Variants in TPTE2 observed in about 807,000 individuals in gnomAD.
The protein encoded by TPTE2 is phosphatidylinositol 3,4,5-trisphosphate 3-phosphatase TPTE2.
Under a neutral mutation model 78.6 loss-of-function variants are expected in TPTE2, and 53 were observed. That is an observed-to-expected ratio of 0.67 (90% CI 0.54 to 0.85). TPTE2 has a LOEUF of 0.85. Ranked by LOEUF, TPTE2 falls within the 40% of genes least tolerant of loss-of-function variation. The pLI is 0.00. For missense variants in TPTE2, 461 were observed against 623.0 expected (o/e 0.74, Z 2.77); for synonymous variants, 175 against 206.2 (o/e 0.85, Z 1.30).
intron 18 of TPTE2, 148 bp downstream of exon 21, chr13:19,426,277 C>T (rs6491273): frequency 0.12 from 75,049 of 618,302 alleles, 6,164 homozygotes; most frequent in African/African-American, 0.35. Flanking sequence ...AAATTACATA[C>T]GCTCTTTTAA....
At chr13:19,499,684 A>C (rs2137663932) in intron 1 of TPTE2, among the ~76,000 whole-genome samples, 1 of 135,524 alleles carries the variant, frequency 7.4e-6, no homozygotes, top group East Asian at 2.0e-4. Flanking sequence ...CTAAATGCCC[A>C]CAAGAGAAAG....
chr13:19,548,668 A>G, the TPTE2 span, among the ~76,000 whole-genome samples: 1 of 151,532 alleles, frequency 6.6e-6, no homozygotes, highest in African/African-American at 2.4e-5. Flanking sequence ...TATGCAGAAG[A>G]CTGAAATTGG....
intron 14 of TPTE2, 65 bp downstream of exon 17, chr13:19,438,027 A>G (rs1407306955): frequency 3.2e-6 from 5 of 1,576,774 alleles, no homozygotes; most frequent in Middle Eastern, 1.7e-4. Flanking sequence ...ACGTCCTACC[A>G]GCGATCTTTC....
chr13:19,486,390 G>C lies in TPTE2; in HGVS notation c.120-3843C>G, dbSNP rs1258061940. Among the ~76,000 whole-genome samples, 1 of 152,174 alleles carries C rather than the reference G, an allele frequency of 6.6e-6. No homozygotes were observed. The highest frequency in any genetic ancestry group is 2.4e-5 in the African/African-American group (1 of 41,436). On this transcript the variant is annotated intron_variant, in intron 3 of 19. Coordinates refer to ENST00000400230, the Ensembl canonical transcript of TPTE2. This position sits in a 1 kb window ranked among gnomAD's most constrained non-coding sequence, Gnocchi z 4.3. ...CACTGGGCTGTTTCTCAGGGTAGGGGTGTGTGCAGGCATACACTGGGTCAG... is the reference window on the plus strand; with the variant it reads ...CACTGGGCTGTTTCTCAGGGTAGGGCTGTGTGCAGGCATACACTGGGTCAG...
chr13:19,534,675 C>A (rs1015921434), intron 1 of TPTE2, among the ~76,000 whole-genome samples: 1 of 152,086 alleles, frequency 6.6e-6, no homozygotes, highest in Non-Finnish European at 1.5e-5. Context: ...ATTGCTTAGT[C>A]CTTGAATTAA....
rs2497213 is a variant in TPTE2 at position 19,425,773 on chromosome 13, G to T, written c.1395+652C>A. 32 of 509,030 alleles carry T rather than the reference G, an allele frequency of 6.3e-5. 1 individual carries two copies. The highest frequency in any genetic ancestry group is 2.3e-4 in the South Asian group (16 of 70,316). The allele number at this position is 509,030 out of a possible 1,614,324, so 31.5% of individuals were successfully genotyped here. ...TCGCTATTGCTCCCACCCATCAGTC[G>T]AGCACAGGTCTCCTGGATGGCTCCC... On this transcript the variant is annotated intron_variant, in intron 18 of 19. Coordinates refer to ENST00000400230, the Ensembl canonical transcript of TPTE2.
At position 19,467,224 on chromosome 13, in the gene TPTE2, C is replaced by T. The variant is rs1879321962; in HGVS notation, c.512+1G>A. On this transcript the variant is annotated splice_donor_variant, in intron 7 of 19. Transcript: ENST00000400230. LOFTEE classifies it high-confidence loss of function. ...AGAGAGGTAAGTCTTATGTTTCATA[C>T]CTGGGAATATTCCTAAGCAACTTAA... 6.3e-7 allele frequency: 1 copy of T among 1,578,144 alleles called. No individual in the cohort carries two copies.
chr13:19,442,050 ATGTC>A (rs1877534347), intron 13 of TPTE2, among the ~76,000 whole-genome samples: 2 of 152,128 alleles, frequency 1.3e-5, no homozygotes, highest in African/African-American at 4.8e-5. Flanking sequence ...CGAAAACAGA[ATGTC>A]AGTAGGAAAA....
exon 7 of TPTE2, chr13:19,467,228 G>A (rs1317521687): frequency 1.3e-6 from 2 of 1,579,906 alleles, no homozygotes; most frequent in African/African-American, 2.8e-5. Context: ...TTCATACCTG[G>A]GAATATTCCT....
At chr13:19,534,361 CGTCT>C (rs1871077094) in intron 1 of TPTE2, among the ~76,000 whole-genome samples, 1 of 152,112 alleles carries the variant, frequency 6.6e-6, no homozygotes, top group African/African-American at 2.4e-5. Context: ...AGCCCCAGAC[CGTCT>C]GTATATGAAA....
chr13:19,498,221 A>C (rs1304653809), intron 1 of TPTE2, among the ~76,000 whole-genome samples: 1 of 152,142 alleles, frequency 6.6e-6, no homozygotes, highest in African/African-American at 2.4e-5. Context: ...TGGAAAAAAC[A>C]CTGCAGGATA....
intron 4 of TPTE2, among the ~76,000 whole-genome samples, chr13:19,479,296 GAAGTA>G (rs1341972329): frequency 1.3e-5 from 2 of 152,162 alleles, no homozygotes; most frequent in African/African-American, 4.8e-5. Flanking sequence ...GAAGAAGACA[GAAGTA>G]AAGGCAGGTT....
intron 15 of TPTE2, among the ~76,000 whole-genome samples, chr13:19,432,998 T>G (rs1278277496): frequency 6.6e-6 from 1 of 152,188 alleles, no homozygotes. Flanking sequence ...GAGGAATACC[T>G]CCAAACCTCA....
intron 6 of TPTE2, among the ~76,000 whole-genome samples, chr13:19,473,246 C>G (rs963680341): frequency 1.1e-4 from 16 of 152,232 alleles, no homozygotes; most frequent in African/African-American, 3.9e-4. Flanking sequence ...TGGGGCTCTA[C>G]AGTCATCACA....
the TPTE2 span, among the ~76,000 whole-genome samples, chr13:19,557,512 A>C: frequency 2.0e-5 from 3 of 152,336 alleles, no homozygotes; most frequent in Non-Finnish European, 2.9e-5. Context: ...ATTAGCTGAA[A>C]GGCAGCTTAG....
upstream of TPTE2, among the ~76,000 whole-genome samples, chr13:19,539,942 C>T (rs1163278262): frequency 6.6e-6 from 1 of 152,088 alleles, no homozygotes; most frequent in Non-Finnish European, 1.5e-5. Flanking sequence ...GTCAGGAGTT[C>T]AAGACCAGTC....
chr13:19,515,304 C>T (rs1869723240), intron 1 of TPTE2, among the ~76,000 whole-genome samples: 1 of 152,110 alleles, frequency 6.6e-6, no homozygotes, highest in Admixed American at 6.5e-5. Context: ...ACTTATTTGA[C>T]CACAGAACCT....
rs370285692 is a variant in TPTE2, at chr13:19,451,195, G to A, written c.772C>T (p.Arg258Ter). ...AGATTGTAGACTCGATAGTGGTTTC[G>A]ATGTTTCTTATCTAGAAACCGCACA... is the stretch of plus-strand genomic sequence containing the variant. Residue 258 changes from arginine to a stop codon, truncating the protein, a stop_gained, in exon 11 of 20, where the codon CGA (arginine) becomes TGA (stop). Transcript: ENST00000400230. LOFTEE classifies it high-confidence loss of function. 68 of 1,613,252 alleles carry A rather than the reference G, an allele frequency of 4.2e-5. No individual in the cohort carries two copies. The highest frequency in any genetic ancestry group is 4.1e-4 in the South Asian group (37 of 91,058).
chr13:19,560,814 C>T, the TPTE2 span: 14 of 1,508,776 alleles, frequency 9.3e-6, no homozygotes, highest in Admixed American at 1.9e-5. Flanking sequence ...CCGCCCACCC[C>T]GGACGCGGTC....
Sources: allele counts gnomAD v4.1 joint callset (sites outside exome capture counted in the v4.1 genomes callset), GRCh38; gene constraint gnomAD v4.1.1; non-coding constraint Gnocchi (gnomAD v3.1); transcripts MANE v1.5; gene names NCBI Gene and HGNC (gene_info 2026-07-23, HGNC 2026-07-21).